Variants in GBE1 observed in about 807,000 individuals in gnomAD.
GBE1 encodes 1,4-alpha-glucan-branching enzyme.
In GBE1, 70 loss-of-function variants were observed where a neutral mutation model predicts 88.8. The observed-to-expected ratio is 0.79, with a 90% confidence interval of 0.65 to 0.96. The LOEUF (loss-of-function observed/expected upper bound fraction) is 0.96, where lower values mean the gene tolerates loss of function less well. Among genes scored for constraint, GBE1 ranks in the 40% least tolerant of loss-of-function variants. The probability of loss-of-function intolerance (pLI) is 0.00; values close to 1 mark genes in which losing one functional copy is unlikely to be tolerated. For synonymous variants in GBE1, 284 were observed against 300.1 expected, an observed-to-expected ratio of 0.95 and a Z score of 0.56; for missense variants, 872 against 871.0, an observed-to-expected ratio of 1.00 and a Z score of -0.01.
intron 14 of GBE1, among the ~76,000 whole-genome samples, chr3:81,503,793 C>T (rs1224916596): frequency 6.6e-6 from 1 of 152,132 alleles, no homozygotes; most frequent in African/African-American, 2.4e-5. Flanking sequence ...TTTTCATATA[C>T]AGTTTCTTGT....
chr3:81,513,711 A>T lies in GBE1; in HGVS notation c.1935-14484T>A, dbSNP rs1702755902. Among the ~76,000 whole-genome samples, 3 of 151,754 alleles carry T rather than the reference A, an allele frequency of 2.0e-5. No homozygotes were observed. The South Asian group carries it at 6.2e-4, about 31-fold the overall frequency. Reference sequence around the variant, plus strand: ...TTTTTAGAAGATGATGACAGTAAGGATGTCCATTACCCTTACTACTTGCTA... The same window carrying T: ...TTTTTAGAAGATGATGACAGTAAGGTTGTCCATTACCCTTACTACTTGCTA... On this transcript the variant is annotated intron_variant, in intron 14 of 15. Transcript: ENST00000429644.
At chr3:81,660,096 T>C (rs935479390) in intron 3 of GBE1, among the ~76,000 whole-genome samples, 2 of 152,168 alleles carry the variant, frequency 1.3e-5, no homozygotes, top group African/African-American at 4.8e-5. Flanking sequence ...AGCGATGAAA[T>C]AGTTTGTATT....
At chr3:81,621,818 C>T (rs969249666) in intron 7 of GBE1, among the ~76,000 whole-genome samples, 3 of 152,152 alleles carry the variant, frequency 2.0e-5, no homozygotes, top group African/African-American at 7.2e-5. Context: ...CCTGGAATTT[C>T]CAATACCTCT....
chr3:81,704,272 G>C (rs963481970), intron 2 of GBE1, among the ~76,000 whole-genome samples: 1 of 151,924 alleles, frequency 6.6e-6, no homozygotes, highest in Non-Finnish European at 1.5e-5. Flanking sequence ...CTGTTGGACA[G>C]TGCTGTCTTA....
chr3:81,697,392 C>A (rs1489353975), intron 2 of GBE1, among the ~76,000 whole-genome samples: 1 of 149,930 alleles, frequency 6.7e-6, no homozygotes, highest in East Asian at 2.0e-4. Flanking sequence ...CTCCGTCTCC[C>A]AGGTTCAAGC....
intron 7 of GBE1, among the ~76,000 whole-genome samples, chr3:81,600,154 G>A (rs866359686): frequency 6.6e-6 from 1 of 152,198 alleles, no homozygotes; most frequent in East Asian, 1.9e-4. Flanking sequence ...TCAGCTACTT[G>A]GGAGGCTGAG....
chr3:81,604,626 A>T (rs1704080183), intron 7 of GBE1, among the ~76,000 whole-genome samples: 1 of 152,122 alleles, frequency 6.6e-6, no homozygotes, highest in African/African-American at 2.4e-5. Flanking sequence ...AAAGTAATAT[A>T]TAAAGTTAAA....
intron 15 of GBE1, among the ~76,000 whole-genome samples, chr3:81,491,207 A>G (rs1693487413): frequency 6.6e-6 from 1 of 152,146 alleles, no homozygotes; most frequent in Non-Finnish European, 1.5e-5. Flanking sequence ...AATCCCAGCT[A>G]TGTGGAGAGG....
intron 1 of GBE1, among the ~76,000 whole-genome samples, chr3:81,721,391 T>C (rs1373387886): frequency 6.6e-6 from 1 of 152,038 alleles, no homozygotes; most frequent in Non-Finnish European, 1.5e-5. Context: ...AAGCCTTGTA[T>C]TGCTTATGGG....
At position 81,589,896 on chromosome 3, in the gene GBE1, A is replaced by G. The variant is rs1374690656; in HGVS notation, c.1236+1141T>C. ...GTTAAAGATATTCAGCACAAAAAAT[A>G]TTAGCACAAGTATTAGTAAGATGTG... On this transcript the variant is annotated intron_variant, in intron 9 of 15. Transcript: ENST00000429644. Among the ~76,000 whole-genome samples the G allele has an allele frequency of 3.3e-5, 5 of 152,204 alleles. No homozygotes were observed. The East Asian group carries it at 7.7e-4, about 23-fold the overall frequency.
intron 12 of GBE1, among the ~76,000 whole-genome samples, chr3:81,572,577 T>G (rs1037960774): frequency 1.3e-5 from 2 of 152,208 alleles, no homozygotes; most frequent in African/African-American, 4.8e-5. Flanking sequence ...AAAATTACAT[T>G]CTACCTTGCC....
chr3:81,498,789 T>C (rs1702547548), intron 15 of GBE1, among the ~76,000 whole-genome samples: 1 of 152,164 alleles, frequency 6.6e-6, no homozygotes, highest in African/African-American at 2.4e-5. Flanking sequence ...AAGTGAAATG[T>C]TGCATAAAGA....
chr3:81,537,047 T>C lies in GBE1; in HGVS notation c.1667A>G (p.Asn556Ser). The change falls in exon 13 of 16, where the codon AAT becomes AGT. Residue 556 changes from asparagine (N) to serine (S), a missense_variant. Asn to Ser is a conservative substitution (Grantham distance 46). Coordinates refer to ENST00000429644, the MANE Select transcript of GBE1 (RefSeq NM_000158.4). ...CCTGGCATAATGGTAACTCTCATTA[T>C]TTCCTTTTCTTGGGAAGTCTAACCA... ...PEWLDFPRKGNNESYHYARRQ... is the reference protein window; with the variant it reads ...PEWLDFPRKGSNESYHYARRQ... 1 of 1,569,132 alleles carries C rather than the reference T, an allele frequency of 6.4e-7. No homozygotes were observed. Among genetic ancestry groups the C allele is most frequent in the Non-Finnish European group, 8.6e-7 (1 of 1,161,872 alleles).
intron 12 of GBE1, among the ~76,000 whole-genome samples, chr3:81,558,727 T>C (rs1214303858): frequency 6.6e-6 from 1 of 152,128 alleles, no homozygotes; most frequent in Admixed American, 6.6e-5. Context: ...ATAATGATTA[T>C]TTTCTTCACT....
intron 7 of GBE1, among the ~76,000 whole-genome samples, chr3:81,617,448 GT>G (rs1704263809): frequency 6.6e-6 from 1 of 152,008 alleles, no homozygotes; most frequent in Non-Finnish European, 1.5e-5. Flanking sequence ...TCAAATGGGT[GT>G]TTAATTTGGC....
intron 1 of GBE1, among the ~76,000 whole-genome samples, chr3:81,724,567 G>A (rs1014779782): frequency 1.3e-5 from 2 of 152,040 alleles, no homozygotes; most frequent in South Asian, 2.1e-4. Flanking sequence ...TCACTACAAA[G>A]TATTCCAAAA....
chr3:81,650,041 C>A (rs1369169815), intron 3 of GBE1, 120 bp from the exon 4 acceptor site: 1 of 703,974 alleles, frequency 1.4e-6, no homozygotes, highest in Non-Finnish European at 2.4e-6. Context: ...TCTAGACCAC[C>A]ATACAGATGT....
At chr3:81,497,366 A>C (rs1702513906) in intron 15 of GBE1, among the ~76,000 whole-genome samples, 1 of 152,216 alleles carries the variant, frequency 6.6e-6, no homozygotes, top group Non-Finnish European at 1.5e-5. Flanking sequence ...CTCCATGACA[A>C]GTACAACTTT....
At chr3:81,505,764 G>A (rs1163197700) in intron 14 of GBE1, among the ~76,000 whole-genome samples, 1 of 151,948 alleles carries the variant, frequency 6.6e-6, no homozygotes, top group African/African-American at 2.4e-5. Context: ...CTATGTGTGT[G>A]TGTATTTGTG....
Sources: allele counts gnomAD v4.1 joint callset (sites outside exome capture counted in the v4.1 genomes callset), GRCh38; gene constraint gnomAD v4.1.1; transcripts MANE v1.5; gene names NCBI Gene and HGNC (gene_info 2026-07-23, HGNC 2026-07-21).